The following HAO1 variants were observed in gnomAD, a reference collection of about 807,000 sequenced individuals.
HAO1 encodes hydroxyacid oxidase 1.
HAO1 carries 34 observed loss-of-function variants against 39.7 expected under a neutral mutation model. The observed-to-expected ratio is 0.86, with a 90% CI of 0.65 to 1.14. The LOEUF is 1.14. Ranked by LOEUF, HAO1 falls within the 50% of genes most tolerant of loss-of-function variation. The probability of loss-of-function intolerance (pLI) is 0.00; values close to 1 mark genes in which losing one functional copy is unlikely to be tolerated. For missense variants in HAO1, 479 were observed against 464.5 expected (o/e 1.03, Z -0.29); for synonymous variants, 172 against 173.2 (o/e 0.99, Z 0.05).
At chr20:7,888,448 G>T (rs1483497600) in intron 5 of HAO1, among the ~76,000 whole-genome samples, 1 of 151,928 alleles carries the variant, frequency 6.6e-6, no homozygotes, top group Admixed American at 6.6e-5. Context: ...GACATTTTAG[G>T]TATGGAAACC....
intron 4 of HAO1, among the ~76,000 whole-genome samples, chr20:7,896,564 T>C (rs1384515879): frequency 6.6e-6 from 1 of 152,168 alleles, no homozygotes; most frequent in Non-Finnish European, 1.5e-5. Flanking sequence ...TCTCCTAAAA[T>C]TATAGGTATA....
chr20:7,909,307 A>C (rs2050264235), intron 3 of HAO1, among the ~76,000 whole-genome samples: 1 of 148,840 alleles, frequency 6.7e-6, no homozygotes, highest in Non-Finnish European at 1.5e-5. Flanking sequence ...GGAGTGTTTT[A>C]CCAAAGGCTC....
In HAO1 at chr20:7,906,276, C is replaced by T. The variant is rs1158278243; in HGVS notation, c.599G>A (p.Gly200Glu). ...TLSFSPEENF[G>E]DDSGLAAYVA... ...ATATGCAGCAAGTCCACTGTCGTCT[C>T]CAAAATTTTCCTCAGGAGAAAATGA... Residue 200 changes from glycine (G) to glutamate (E), a missense_variant, in exon 4 of 8, where the codon GGA (glycine) becomes GAA (glutamate). Physicochemically the swap from Gly to Glu is moderately conservative, Grantham distance 98. Coordinates refer to ENST00000378789, the MANE Select transcript of HAO1 (RefSeq NM_017545.3). The T allele has an allele frequency of 1.2e-6, 2 of 1,612,134 alleles. No individual in the cohort carries two copies. The highest frequency in any genetic ancestry group is 1.7e-6 in the Non-Finnish European group (2 of 1,178,344).
At chr20:7,939,696 GC>G (rs1161555116) in intron 1 of HAO1, among the ~76,000 whole-genome samples, 6 of 152,166 alleles carry the variant, frequency 3.9e-5, no homozygotes, top group Non-Finnish European at 7.3e-5. Flanking sequence ...ACCATCTTGT[GC>G]TTTGAAATAT....
At chr20:7,907,576 G>A (rs1007176678) in intron 3 of HAO1, among the ~76,000 whole-genome samples, 6 of 152,110 alleles carry the variant, frequency 3.9e-5, no homozygotes, top group African/African-American at 1.2e-4. Context: ...TAGGCTCACA[G>A]CCTGCTTCTA....
intron 4 of HAO1, among the ~76,000 whole-genome samples, chr20:7,899,985 A>T (rs6055378): frequency 0.22 from 32,918 of 152,022 alleles, 4,576 homozygotes; most frequent in East Asian, 0.56. Flanking sequence ...AAAAGTGAAA[A>T]ATAAGTACTC....
At chr20:7,899,075 T>C (rs1240973356) in intron 4 of HAO1, among the ~76,000 whole-genome samples, 1 of 152,138 alleles carries the variant, frequency 6.6e-6, no homozygotes, top group Non-Finnish European at 1.5e-5. Flanking sequence ...ACCTGCATTA[T>C]GAGAAATTAA....
At chr20:7,909,113 A>C (rs982875104) in intron 3 of HAO1, among the ~76,000 whole-genome samples, 1 of 151,824 alleles carries the variant, frequency 6.6e-6, no homozygotes, top group African/African-American at 2.4e-5. Flanking sequence ...AAAAACAGAA[A>C]CGTGGATAAA....
At chr20:7,922,743 C>G (rs559047966) in intron 2 of HAO1, among the ~76,000 whole-genome samples, 1 of 152,162 alleles carries the variant, frequency 6.6e-6, no homozygotes, top group Non-Finnish European at 1.5e-5. Flanking sequence ...CTTGCATAGT[C>G]CAAACATCAA....
At chr20:7,898,771 C>T (rs570697208) in intron 4 of HAO1, among the ~76,000 whole-genome samples, 2 of 152,198 alleles carry the variant, frequency 1.3e-5, no homozygotes, top group East Asian at 3.9e-4. Context: ...GCACAGCTCA[C>T]CTTCAATGTT....
At chr20:7,918,550 C>A (rs1230009071) in intron 2 of HAO1, among the ~76,000 whole-genome samples, 1 of 152,194 alleles carries the variant, frequency 6.6e-6, no homozygotes, top group African/African-American at 2.4e-5. Context: ...TCATCACTTC[C>A]TTTTCTCCCC....
intron 1 of HAO1, among the ~76,000 whole-genome samples, chr20:7,937,147 A>G (rs1282915839): frequency 6.6e-6 from 1 of 152,088 alleles, no homozygotes; most frequent in Admixed American, 6.5e-5. Context: ...CACATCTAAC[A>G]GGGGCCTCAA....
At chr20:7,891,657 G>C (rs1389037316) in intron 5 of HAO1, among the ~76,000 whole-genome samples, 1 of 152,062 alleles carries the variant, frequency 6.6e-6, no homozygotes, top group African/African-American at 2.4e-5. Flanking sequence ...TTATCTTACA[G>C]AATTTTTATA....
At chr20:7,892,800 A>G (rs1166786942) in intron 5 of HAO1, among the ~76,000 whole-genome samples, 2 of 152,150 alleles carry the variant, frequency 1.3e-5, no homozygotes, top group Non-Finnish European at 2.9e-5. Context: ...TGACAAATAT[A>G]TATATTACTT....
chr20:7,893,662 ACT>A (rs1205561619), intron 5 of HAO1, among the ~76,000 whole-genome samples: 3 of 151,532 alleles, frequency 2.0e-5, no homozygotes, highest in Non-Finnish European at 4.4e-5. Context: ...GGACAATTCG[ACT>A]CTCTATGATT....
intron 2 of HAO1, among the ~76,000 whole-genome samples, chr20:7,917,935 A>G (rs1207214275): frequency 6.6e-6 from 1 of 152,200 alleles, no homozygotes; most frequent in Non-Finnish European, 1.5e-5. Flanking sequence ...GCATATTTAG[A>G]GAGAAGCAAG....
chr20:7,929,131 AGCCT>A (rs1356238311), intron 2 of HAO1, among the ~76,000 whole-genome samples: 6 of 152,148 alleles, frequency 3.9e-5, no homozygotes, highest in Admixed American at 2.0e-4. Flanking sequence ...TTACATTACA[AGCCT>A]GGCTCCTAAA....
intron 1 of HAO1, among the ~76,000 whole-genome samples, chr20:7,936,718 T>C (rs1356527334): frequency 6.6e-6 from 1 of 152,000 alleles, no homozygotes; most frequent in Non-Finnish European, 1.5e-5. Flanking sequence ...TAAACAGTAT[T>C]TTCTGTTCTG....
chr20:7,883,686 T>G, intron 7 of HAO1, 23 bp from the exon 8 acceptor site: 2 of 1,479,190 alleles, frequency 1.4e-6, no homozygotes, highest in Non-Finnish European at 1.9e-6. Context: ...TGCATACATT[T>G]AATATGAACT....
Sources: gnomAD v4.1 joint callset for allele counts (sites outside exome capture counted in the v4.1 genomes callset) on GRCh38, gnomAD v4.1.1 for gene constraint, MANE v1.5 for transcripts, NCBI Gene and HGNC (gene_info 2026-07-23, HGNC 2026-07-21) for gene names.